SPTBN5: variants seen among roughly 807,000 people sequenced by gnomAD.
SPTBN5 encodes the protein spectrin beta chain, non-erythrocytic 5.
SPTBN5 carries 513 observed loss-of-function variants against 477.6 expected under a neutral mutation model. The ratio of observed to expected loss-of-function variants is 1.07; its 90% CI spans 1.00 to 1.16. The LOEUF (loss-of-function observed/expected upper bound fraction) is 1.16, where lower values mean the gene tolerates loss of function less well. SPTBN5 is among the 50% of genes most tolerant of loss of function. The pLI is 0.00. For synonymous variants in SPTBN5, 2,169 were observed against 2,011.7 expected (o/e 1.08, Z -2.09); for missense variants, 5,062 against 4,731.8 (o/e 1.07, Z -2.05).
chr15:41,875,037 T>C lies in SPTBN5; in HGVS notation c.4307A>G (p.Glu1436Gly). The C allele has an allele frequency of 1.9e-6, 3 of 1,612,214 alleles. No homozygotes were observed. In the East Asian group the frequency reaches 6.7e-5, roughly 36 times the overall value. Reference sequence around the variant, plus strand: ...GCTCTGTAGGGCCCCTTCGAGCTGCTCCAGCTGCTCCTTTGCATCCTGGGA... The same window carrying C: ...GCTCTGTAGGGCCCCTTCGAGCTGCCCCAGCTGCTCCTTTGCATCCTGGGA... ...RQLQDAKEQL[E>G]QLEGALQSSE... The change falls in exon 23 of 68, where the codon GAG becomes GGG. Residue 1436 changes from glutamate to glycine, a missense_variant. Physicochemically the swap from Glu to Gly is moderately conservative, Grantham distance 98. Coordinates refer to ENST00000320955, the MANE Select transcript of SPTBN5 (RefSeq NM_016642.4).
At chr15:41,857,784 C>T in intron 49 of SPTBN5, 74 bp from the exon 50 acceptor site, 2 of 1,491,514 alleles carry the variant, frequency 1.3e-6, no homozygotes, top group Non-Finnish European at 1.8e-6. Context: ...TGACTCTGAC[C>T]ACCAGCACTA....
Position 41,852,814 on chromosome 15 carries a change from C to A in SPTBN5, c.10347+10G>T, listed in dbSNP as rs143291051. On this transcript the variant is annotated intron_variant, in intron 60 of 67. Transcript: ENST00000320955. ...CTGGTAGCCAGCTAAGGGGCAGGAC[C>A]CCCACTCACCCCATAGTCGGGCTTC... 6.1e-4 allele frequency: 978 copies of A among 1,609,866 alleles called. No individual in the cohort carries two copies. Among genetic ancestry groups the A allele is most frequent in the Middle Eastern group, 8.3e-4 (5 of 6,046 alleles).
chr15:41,857,156 A>G, intron 51 of SPTBN5, 82 bp downstream of exon 51: 4 of 1,517,790 alleles, frequency 2.6e-6, no homozygotes, highest in Non-Finnish European at 2.7e-6. Context: ...GGAGAAAGTG[A>G]GAAGACATCA....
At chr15:41,858,500 A>C in intron 49 of SPTBN5, 102 bp downstream of exon 49, 1 of 1,385,908 alleles carries the variant, frequency 7.2e-7, no homozygotes, top group Non-Finnish European at 9.6e-7. Context: ...AGTACTGGAT[A>C]ACGCTGGCCA....
chr15:41,852,400 C>A (rs1473484002), intron 61 of SPTBN5, 84 bp from the exon 62 acceptor site: 4 of 1,480,990 alleles, frequency 2.7e-6, no homozygotes, highest in Middle Eastern at 3.9e-4. Flanking sequence ...TCCCCTCCCC[C>A]AGCCCTCCCG....
In SPTBN5 at chr15:41,882,066, T is replaced by G. The variant is rs1381115369; in HGVS notation, c.2327A>C (p.Asp776Ala). 1 of 1,566,998 alleles carries G rather than the reference T, an allele frequency of 6.4e-7. No homozygotes were observed. The change falls in exon 12 of 68, where the codon GAC becomes GCC. Residue 776 changes from aspartate (D) to alanine (A), a missense_variant. Asp to Ala is a moderately radical substitution (Grantham distance 126, BLOSUM62 -2). Transcript: ENST00000320955. ...CAGCAGGGTCTCGGCGGCCGCCTGG[T>G]CCTGACCGCAGGACGCTCTCTCCAG... ...SSLERASCGQ[D>A]QAAAETLLRR...
At chr15:41,892,472 T>A (rs752473866) in intron 3 of SPTBN5, among the ~76,000 whole-genome samples, 1 of 152,198 alleles carries the variant, frequency 6.6e-6, no homozygotes, top group Non-Finnish European at 1.5e-5. Flanking sequence ...CCTGCTCCTC[T>A]TCCCCACCTG....
intron 50 of SPTBN5, 21 bp from the exon 51 acceptor site, chr15:41,857,515 G>A: frequency 6.2e-7 from 1 of 1,602,792 alleles, no homozygotes; most frequent in Non-Finnish European, 8.5e-7. Flanking sequence ...AAGTGAGGTA[G>A]GCAGGAGGGG....
chr15:41,871,996 A>G (rs2066557958), intron 27 of SPTBN5, 79 bp from the exon 28 acceptor site: 14 of 1,433,546 alleles, frequency 9.8e-6, no homozygotes, highest in Non-Finnish European at 1.3e-5. Flanking sequence ...AGAGGGGCCA[A>G]TCTGAAAACT....
Position 41,874,357 on chromosome 15 carries a change from G to T in SPTBN5, c.4624C>A (p.His1542Asn), listed in dbSNP as rs2066646883. The part of the protein sequence containing the change: ...ELSWVAEHMP[H>N]GSPTSYTECL... Reference sequence around the variant, plus strand: ...TCGGTATAGCTGGTGGGGCTGCCATGGGGCATGTGCTCGGCTACCCAAGAG... The same window carrying T: ...TCGGTATAGCTGGTGGGGCTGCCATTGGGCATGTGCTCGGCTACCCAAGAG... Residue 1542 changes from histidine to asparagine, a missense_variant, in exon 24 of 68, where the codon CAT becomes AAT. Transcript: ENST00000320955. 1 of 1,613,766 alleles carries T rather than the reference G, an allele frequency of 6.2e-7. No individual in the cohort carries two copies. Among genetic ancestry groups the T allele is most frequent in the Admixed American group, 1.7e-5 (1 of 60,010 alleles).
In SPTBN5 at chr15:41,886,252, G is replaced by C; in HGVS notation, c.1003C>G (p.Pro335Ala). ...KQMQLEARDF[P>A]DSLPAMRQLL... ...TGCCGCATGGCGGGCAGCGAGTCTG[G>C]AAAATCCCGCGCCTCCAGCTGCATC... is the stretch of plus-strand genomic sequence containing the variant. Residue 335 changes from proline to alanine, a missense_variant, in exon 7 of 68, where the codon CCA (proline) becomes GCA (alanine). By Grantham distance (27) the Pro-to-Ala change is conservative. Transcript: ENST00000320955. 1 of 1,613,208 alleles carries C rather than the reference G, an allele frequency of 6.2e-7. No homozygotes were observed. The highest frequency in any genetic ancestry group is 8.5e-7 in the Non-Finnish European group (1 of 1,179,898).
rs753104445 is a variant in SPTBN5, at chr15:41,879,234, C to T, written c.3182+26G>A. 7 of 1,589,434 alleles carry T rather than the reference C, an allele frequency of 4.4e-6. No homozygotes were observed. The South Asian group carries it at 6.8e-5, about 15-fold the overall frequency. ...CCTTCCCATGGTCCTCACTGCCTCC[C>T]AATGCCACCACTGCGCTGGCCGTAC... On this transcript the variant is annotated intron_variant, in intron 16 of 67. Coordinates refer to ENST00000320955, the MANE Select transcript of SPTBN5 (RefSeq NM_016642.4).
chr15:41,885,826 G>A lies in SPTBN5; in HGVS notation c.1429C>T (p.Leu477=), dbSNP rs1475705703. The change falls in exon 7 of 68, where the codon CTG becomes TTG. Residue 477 remains leucine (L), a synonymous_variant. Coordinates refer to ENST00000320955, the MANE Select transcript of SPTBN5 (RefSeq NM_016642.4). ...GCCTGGAAGCGCCCCTCCTGGGGCA[G>A]GATGCCAGCCTCCAGCATGCCCAGC... is the stretch of plus-strand genomic sequence containing the variant. ...QRLGMLEAGI[L]PQEGRFQALA... The A allele has an allele frequency of 1.3e-6, 2 of 1,559,256 alleles. No individual in the cohort carries two copies. Among genetic ancestry groups the A allele is most frequent in the Non-Finnish European group, 1.7e-6 (2 of 1,151,990 alleles).
intron 23 of SPTBN5, 41 bp downstream of exon 23, chr15:41,874,801 T>C (rs1595486678): frequency 6.4e-7 from 1 of 1,566,878 alleles, no homozygotes; most frequent in Non-Finnish European, 8.7e-7. Flanking sequence ...TAAATTCACA[T>C]GGAGGAGTGA....
rs1294493724 is a variant in SPTBN5, at chr15:41,871,808, G to C, written c.5275C>G (p.Leu1759Val). ...AGGGCGTGCTCGGGGTCCTCTCCCA[G>C]GCTCTCCCCTCCTTTGGCTGCCTGC... Reference protein sequence around the residue: ...QKQAAKGGESLGEDPEHALHL... With the variant: ...QKQAAKGGESVGEDPEHALHL... The change falls in exon 28 of 68, where the codon CTG (leucine) becomes GTG (valine). Residue 1759 changes from leucine to valine, a missense_variant. By Grantham distance (32) the Leu-to-Val change is conservative. Coordinates refer to ENST00000320955, the MANE Select transcript of SPTBN5 (RefSeq NM_016642.4). 1.3e-6 allele frequency: 2 copies of C among 1,591,842 alleles called. No individual in the cohort carries two copies. Among genetic ancestry groups the C allele is most frequent in the Non-Finnish European group, 1.7e-6 (2 of 1,169,578 alleles).
chr15:41,873,905 C>T lies in SPTBN5; in HGVS notation c.4830G>A (p.Glu1610=). 6.2e-7 allele frequency: 1 copy of T among 1,611,500 alleles called. No individual in the cohort carries two copies. The highest frequency in any genetic ancestry group is 8.5e-7 in the Non-Finnish European group (1 of 1,179,896). Residue 1610 remains glutamate (E), a synonymous_variant, in exon 25 of 68, where the codon GAG becomes GAA. Transcript: ENST00000320955. ...QCQELEGHWA[E]LERACEARAQ... ...CCCGCGCTTCACATGCCCTCTCCAG[C>T]TCTGCCCAGTGGCCTTCCAGCTCCT...
At chr15:41,880,443 C>CTGCCTCA (rs2066911541) in intron 13 of SPTBN5, 131 bp from the exon 14 acceptor site, 1 of 945,958 alleles carries the variant, frequency 1.1e-6, no homozygotes, top group African/African-American at 1.7e-5. Context: ...GAGGGGGTCC[C>CTGCCTCA]TGCCTCACTG....
At position 41,850,758 on chromosome 15, in the gene SPTBN5, G is replaced by T. The variant is rs2065725263; in HGVS notation, c.10921+96C>A. 4.6e-6 allele frequency: 5 copies of T among 1,092,320 alleles called. No homozygotes were observed. The Admixed American group carries it at 8.5e-5, about 19-fold the overall frequency. 67.7% of individuals were successfully genotyped at this position (1,092,320 alleles called of 1,614,324 possible). On this transcript the variant is annotated intron_variant, in intron 66 of 67. Coordinates refer to ENST00000320955, the MANE Select transcript of SPTBN5 (RefSeq NM_016642.4). ...TTCTTGGAGGTTAGAGATGCTAACT[G>T]TGAAACCTCCCTAGGATGCATAAAA...
At position 41,869,891 on chromosome 15, in the gene SPTBN5, G is replaced by A. The variant is rs552947313; in HGVS notation, c.5803C>T (p.Arg1935Cys). 58 of 1,554,052 alleles carry A rather than the reference G, an allele frequency of 3.7e-5. No individual in the cohort carries two copies. The highest frequency in any genetic ancestry group is 2.7e-4 in the South Asian group (23 of 84,820). Residue 1935 changes from arginine (R) to cysteine (C), a missense_variant, in exon 32 of 68, where the codon CGC becomes TGC. Transcript: ENST00000320955. ...CGTGCCCGCTCCAGCTGGGCCCTGC[G>A]CTGCTCCATGCGTCGCTGCAGCACT... ...WAVLQRRMEQ[R>C]RAQLERARLL...
Sources: allele counts gnomAD v4.1 joint callset (sites outside exome capture counted in the v4.1 genomes callset), GRCh38; gene constraint gnomAD v4.1.1; transcripts MANE v1.5; gene names NCBI Gene and HGNC (gene_info 2026-07-23, HGNC 2026-07-21).